The following DPF2 variants were observed in gnomAD, a reference collection of about 807,000 sequenced individuals.
The protein encoded by DPF2 is double PHD fingers 2, also known as zinc finger protein ubi-d4.
A neutral mutation model predicts 59.6 loss-of-function variants in DPF2; 10 were observed. The observed-to-expected ratio is 0.17, with a 90% confidence interval of 0.10 to 0.28. The LOEUF (loss-of-function observed/expected upper bound fraction) is 0.28. Among genes scored for constraint, DPF2 ranks in the 10% least tolerant of loss-of-function variants. DPF2 has a pLI of 1.00. For synonymous variants in DPF2, 189 were observed against 190.6 expected, an observed-to-expected ratio of 0.99 and a Z score of 0.07; for missense variants, 315 against 509.4, an observed-to-expected ratio of 0.62 and a Z score of 3.67.
chr11:65,339,372 A>G (rs1480714636), intron 1 of DPF2, among the ~76,000 whole-genome samples: 1 of 152,218 alleles, frequency 6.6e-6, no homozygotes, highest in Non-Finnish European at 1.5e-5. Context: ...AGAACCAGAT[A>G]ACTCCTGGCA....
chr11:65,345,630 C>T (rs770789972), intron 6 of DPF2, 36 bp from the exon 7 acceptor site: 2 of 1,612,492 alleles, frequency 1.2e-6, no homozygotes, highest in Non-Finnish European at 1.7e-6. Flanking sequence ...ACTCTTGTAT[C>T]CTAACACCTT....
intron 2 of DPF2, 118 bp downstream of exon 2, chr11:65,340,663 A>G (rs1854337008): frequency 1.4e-6 from 2 of 1,387,980 alleles, no homozygotes; most frequent in Admixed American, 2.5e-5. Flanking sequence ...CTATGGATGA[A>G]TATGGTCTTC....
chr11:65,337,744 A>C (rs1854242279), intron 1 of DPF2, among the ~76,000 whole-genome samples: 1 of 151,050 alleles, frequency 6.6e-6, no homozygotes, highest in South Asian at 2.1e-4. Context: ...GCTACGTGGA[A>C]CCACAGGCAT....
rs375437984 is a variant in DPF2, at chr11:65,339,062, G to A, written c.33-1323G>A. Among the ~76,000 whole-genome samples, 10 of 152,066 alleles carry A rather than the reference G, an allele frequency of 6.6e-5. No individual in the cohort carries two copies. The East Asian group carries it at 7.7e-4, about 12-fold the overall frequency. ...CAAGTCTGACTGTATCTCAGACATC[G>A]TCATGAGTATTAGGGATACTATGAG... On this transcript the variant is annotated intron_variant, in intron 1 of 10. Transcript: ENST00000528416.
chr11:65,345,745 G>T lies in DPF2; in HGVS notation c.717G>T (p.Glu239Asp). Residue 239 changes from glutamate to aspartate, a missense_variant, in exon 7 of 11, where the codon GAG becomes GAT. Physicochemically the swap from Glu to Asp is conservative, Grantham distance 45. Coordinates refer to ENST00000528416, the MANE Select transcript of DPF2 (RefSeq NM_006268.5). ...CCCACTTGGCTGAGGAGGAGGGCGAGGACAAGGAAGACTCTCAACCACCCA... is the reference window on the plus strand; with the variant it reads ...CCCACTTGGCTGAGGAGGAGGGCGATGACAAGGAAGACTCTCAACCACCCA... ...AHSHLAEEEG[E>D]DKEDSQPPTP... 1 of 1,614,140 alleles carries T rather than the reference G, an allele frequency of 6.2e-7. No homozygotes were observed. The highest frequency in any genetic ancestry group is 8.5e-7 in the Non-Finnish European group (1 of 1,180,040).
At chr11:65,341,308 C>T in intron 3 of DPF2, 91 bp from the exon 4 acceptor site, 1 of 1,557,298 alleles carries the variant, frequency 6.4e-7, no homozygotes, top group Admixed American at 1.8e-5. Context: ...AAGATAGTGA[C>T]AGACCTTTGG....
At chr11:65,339,028 C>A (rs1482091933) in intron 1 of DPF2, among the ~76,000 whole-genome samples, 1 of 152,192 alleles carries the variant, frequency 6.6e-6, no homozygotes. Flanking sequence ...GGTCTTTTTA[C>A]TCTCAAGTCA....
At chr11:65,334,316 C>T (rs1329699505) in intron 1 of DPF2, among the ~76,000 whole-genome samples, 3 of 152,058 alleles carry the variant, frequency 2.0e-5, no homozygotes, top group East Asian at 3.9e-4. Context: ...CACCCCGCCC[C>T]GTCCCGTCCC....
At chr11:65,338,971 C>T (rs1021865278) in intron 1 of DPF2, among the ~76,000 whole-genome samples, 3 of 152,164 alleles carry the variant, frequency 2.0e-5, no homozygotes, top group East Asian at 1.9e-4. Context: ...CCAAGGTCCA[C>T]CTGGGCTGAC....
chr11:65,345,164 A>G (rs1447015005), intron 6 of DPF2: 1 of 171,794 alleles, frequency 5.8e-6, no homozygotes, highest in East Asian at 1.6e-4. Flanking sequence ...GGCTATCCCC[A>G]AGAAACCCAT....
In DPF2 at chr11:65,340,463, G is replaced by A; in HGVS notation, c.111G>A (p.Val37=). 1 of 1,614,266 alleles carries A rather than the reference G, an allele frequency of 6.2e-7. No individual in the cohort carries two copies. Among genetic ancestry groups the A allele is most frequent in the Non-Finnish European group, 8.5e-7 (1 of 1,180,050 alleles). Residue 37 remains valine (V), a synonymous_variant, in exon 2 of 11, where the codon GTG becomes GTA. Transcript: ENST00000528416. The part of the protein sequence containing the change: ...YNARLCAERS[V]RLPFLDSQTG... Reference sequence around the variant, plus strand: ...CTCGCCTCTGTGCTGAGCGCAGCGTGCGCCTGCCTTTCTTGGACTCACAGA... The same window carrying A: ...CTCGCCTCTGTGCTGAGCGCAGCGTACGCCTGCCTTTCTTGGACTCACAGA...
chr11:65,336,040 C>T (rs1950091213), intron 1 of DPF2, among the ~76,000 whole-genome samples: 1 of 151,466 alleles, frequency 6.6e-6, no homozygotes, highest in Non-Finnish European at 1.5e-5. Flanking sequence ...TCTTGAACTC[C>T]TGACCTCAGG....
chr11:65,335,075 G>GTTT (rs1198760608), intron 1 of DPF2, among the ~76,000 whole-genome samples: 5 of 24,580 alleles, frequency 2.0e-4, no homozygotes, highest in African/African-American at 5.5e-4. Flanking sequence ...TCCTCTTGTG[G>GTTT]TTTGTTTTTT....
chr11:65,352,447 T>C lies in DPF2; in HGVS notation c.*688T>C, dbSNP rs1348009273. 2 of 152,710 alleles carry C rather than the reference T, an allele frequency of 1.3e-5. No individual in the cohort carries two copies. Among genetic ancestry groups the C allele is most frequent in the Non-Finnish European group, 2.9e-5 (2 of 68,160 alleles). The allele number at this position is 152,710 out of a possible 1,614,324, so 9.5% of individuals were successfully genotyped here. ...CGGTCGGTCTCCAGTGACTGAAGCA[T>C]TCCCCACCCTTGGAATTTCTCATCT... On this transcript the variant is annotated 3_prime_UTR_variant, in exon 11 of 11. Transcript: ENST00000528416.
intron 6 of DPF2, 58 bp from the exon 7 acceptor site, chr11:65,345,608 T>C (rs997529031): frequency 1.9e-6 from 3 of 1,602,206 alleles, no homozygotes; most frequent in Non-Finnish European, 1.7e-6. Context: ...CTTGCAGGGA[T>C]GGGGACATGG....
intron 1 of DPF2, among the ~76,000 whole-genome samples, chr11:65,334,454 T>C (rs1400939600): frequency 6.6e-6 from 1 of 152,238 alleles, no homozygotes; most frequent in Non-Finnish European, 1.5e-5. Context: ...ACAAATATTC[T>C]TGGGAAGAAT....
chr11:65,346,092 A>G (rs755004702), intron 8 of DPF2, 34 bp downstream of exon 8: 4 of 1,613,124 alleles, frequency 2.5e-6, no homozygotes, highest in Non-Finnish European at 3.4e-6. Context: ...TGCTTTGCCC[A>G]GTCCCCAAGG....
Position 65,346,336 on chromosome 11 carries a change from A to G in DPF2, c.994A>G (p.Ile332Val). ...WQCIECKCCN[I>V]CGTSENDDQL... ...GTGCATCGAGTGCAAATGTTGCAATATCTGCGGCACCTCCGAGAATGACGT... is the reference window on the plus strand; with the variant it reads ...GTGCATCGAGTGCAAATGTTGCAATGTCTGCGGCACCTCCGAGAATGACGT... Residue 332 changes from isoleucine (I) to valine (V), a missense_variant, in exon 9 of 11, where the codon ATC becomes GTC. Ile to Val is a conservative substitution (Grantham distance 29). Coordinates refer to ENST00000528416, the MANE Select transcript of DPF2 (RefSeq NM_006268.5). The G allele has an allele frequency of 2.5e-6, 4 of 1,613,008 alleles. No individual in the cohort carries two copies. The highest frequency in any genetic ancestry group is 3.3e-4 in the Middle Eastern group (2 of 6,062).
chr11:65,341,159 A>C (rs1186894636), intron 3 of DPF2, 86 bp downstream of exon 3: 2 of 1,421,694 alleles, frequency 1.4e-6, no homozygotes, highest in African/African-American at 2.8e-5. Flanking sequence ...GCCCAGTACT[A>C]GATCCCAAAT....
Sources: allele counts gnomAD v4.1 joint callset (sites outside exome capture counted in the v4.1 genomes callset), GRCh38; gene constraint gnomAD v4.1.1; transcripts MANE v1.5; gene names NCBI Gene and HGNC (gene_info 2026-07-23, HGNC 2026-07-21).